Variants in VWA3B observed in about 807,000 individuals in gnomAD.
The protein encoded by VWA3B is von Willebrand factor A domain-containing protein 3B.
VWA3B carries 138 observed loss-of-function variants against 158.3 expected under a neutral mutation model. That is an observed-to-expected ratio of 0.87 (90% CI 0.76 to 1.00). VWA3B has a LOEUF of 1.00. Among genes scored for constraint, VWA3B ranks in the 50% least tolerant of loss-of-function variants. VWA3B has a pLI of 0.00. For missense variants in VWA3B, 1,555 were observed against 1,565.1 expected (o/e 0.99, Z 0.11); for synonymous variants, 596 against 587.3 (o/e 1.01, Z -0.21).
At chr2:98,182,046 G>C (rs540396434) in intron 9 of VWA3B, among the ~76,000 whole-genome samples, 1 of 152,362 alleles carries the variant, frequency 6.6e-6, no homozygotes, top group Admixed American at 6.5e-5. Flanking sequence ...CAAAACCAAA[G>C]GCAGGCTCTT....
Position 98,133,925 on chromosome 2 carries a change from GA to G in VWA3B, c.978del (p.Lys326AsnfsTer74), listed in dbSNP as rs754660900. On this transcript the variant is annotated frameshift_variant, in exon 7 of 28. Coordinates refer to ENST00000477737, the MANE Select transcript of VWA3B (RefSeq NM_144992.5). LOFTEE classifies it high-confidence loss of function. Reference protein sequence around the residue: ...VMTWNSRKLKGKLPPGAGVRE... With the variant: ...VMTWNSRKLKXKLPPGAGVRE... ...ACTTGGAATTCAAGGAAACTGAAAG[GA>G]AAACTCCCTCCAGGTACCTGGAATC... 15 of 1,614,084 alleles carry G rather than the reference GA, an allele frequency of 9.3e-6. No individual in the cohort carries two copies. In the African/African-American group the frequency reaches 1.3e-4, roughly 14 times the overall value.
At chr2:98,224,532 A>G (rs1684760530) in intron 14 of VWA3B, among the ~76,000 whole-genome samples, 1 of 152,198 alleles carries the variant, frequency 6.6e-6, no homozygotes, top group Non-Finnish European at 1.5e-5. Flanking sequence ...TCATTACAAA[A>G]GCAATACAAA....
At chr2:98,254,846 G>A (rs1333183368) in intron 20 of VWA3B, among the ~76,000 whole-genome samples, 13 of 152,100 alleles carry the variant, frequency 8.5e-5, no homozygotes, top group Non-Finnish European at 1.9e-4. Flanking sequence ...CCCTTTCTGT[G>A]TTCTTACCAG....
chr2:98,323,489 A>G, the VWA3B span, among the ~76,000 whole-genome samples: 1 of 151,950 alleles, frequency 6.6e-6, no homozygotes. Context: ...CTAGAAGAGG[A>G]GGAGATAGAA....
At chr2:98,088,303 C>G (rs890824133) in intron 1 of VWA3B, among the ~76,000 whole-genome samples, 1 of 152,196 alleles carries the variant, frequency 6.6e-6, no homozygotes, top group African/African-American at 2.4e-5. Flanking sequence ...AATGTCTAAA[C>G]TGGATTAATG....
At chr2:98,250,483 T>A in intron 20 of VWA3B, 47 bp downstream of exon 20, 1 of 1,433,910 alleles carries the variant, frequency 7.0e-7, no homozygotes, top group East Asian at 2.4e-5. Flanking sequence ...GAATTTATTT[T>A]ATGGAGAAGG....
chr2:98,098,429 C>G (rs1278323182), intron 2 of VWA3B, among the ~76,000 whole-genome samples: 1 of 151,910 alleles, frequency 6.6e-6, no homozygotes, highest in Non-Finnish European at 1.5e-5. Context: ...TTTTTATACC[C>G]TCTTGATGAA....
intron 22 of VWA3B, among the ~76,000 whole-genome samples, chr2:98,286,609 G>T (rs1460692002): frequency 6.6e-6 from 1 of 152,080 alleles, no homozygotes; most frequent in Non-Finnish European, 1.5e-5. Flanking sequence ...AACCAGTGTT[G>T]CATTCCAGGG....
In VWA3B at chr2:98,228,267, A is replaced by G; in HGVS notation, c.2085A>G (p.Gln695=). The part of the protein sequence containing the change: ...EQGHSDLEKM[Q]DLYSESLIMD... ...GTCACAGTGATCTGGAGAAGATGCA[A>G]GACCTTTATTCTGAGTCCTTGATCA... Residue 695 remains glutamine, a synonymous_variant, in exon 15 of 28, where the codon CAA becomes CAG. Transcript: ENST00000477737. 1 of 1,614,134 alleles carries G rather than the reference A, an allele frequency of 6.2e-7. No individual in the cohort carries two copies.
chr2:98,286,810 C>T (rs536900180), intron 22 of VWA3B, among the ~76,000 whole-genome samples: 1 of 152,144 alleles, frequency 6.6e-6, no homozygotes, highest in East Asian at 1.9e-4. Flanking sequence ...CAATGATCTT[C>T]CTAGTAATTT....
chr2:98,309,421 CAGG>C (rs1209384236), intron 26 of VWA3B, among the ~76,000 whole-genome samples: 1 of 152,132 alleles, frequency 6.6e-6, no homozygotes, highest in Non-Finnish European at 1.5e-5. Context: ...TATGAGTCGG[CAGG>C]AGGAGAGACC....
chr2:98,171,366 T>G (rs1389410411), intron 8 of VWA3B, among the ~76,000 whole-genome samples: 1 of 152,108 alleles, frequency 6.6e-6, no homozygotes, highest in African/African-American at 2.4e-5. Context: ...GGAAATAACT[T>G]TGGAGCGTGT....
intron 26 of VWA3B, among the ~76,000 whole-genome samples, chr2:98,309,064 C>T (rs1048884562): frequency 2.0e-5 from 3 of 150,754 alleles, no homozygotes; most frequent in Non-Finnish European, 3.0e-5. Flanking sequence ...CCCAGCTACT[C>T]GGGAGGCTGA....
chr2:98,281,046 C>T (rs112493460), intron 22 of VWA3B, among the ~76,000 whole-genome samples: 1 of 152,320 alleles, frequency 6.6e-6, no homozygotes, highest in African/African-American at 2.4e-5. Context: ...ATGGGCCACT[C>T]GCTCCCCGCC....
intron 7 of VWA3B, among the ~76,000 whole-genome samples, chr2:98,144,638 C>T (rs2105125077): frequency 6.6e-6 from 1 of 151,518 alleles, no homozygotes; most frequent in East Asian, 1.9e-4. Context: ...GTGATCTCGA[C>T]TCACTGCGAC....
intron 23 of VWA3B, among the ~76,000 whole-genome samples, 194 bp from the exon 24 acceptor site, chr2:98,297,696 GGTGCCCAGACCAGGCAT>G (rs1267235228): frequency 1.3e-5 from 2 of 152,070 alleles, no homozygotes; most frequent in African/African-American, 4.8e-5. Flanking sequence ...CATCTCAGCG[GGTGCCCAGACCAGGCAT>G]GTGCACCACT....
At chr2:98,136,151 T>TA (rs1280258409) in intron 7 of VWA3B, among the ~76,000 whole-genome samples, 1 of 152,200 alleles carries the variant, frequency 6.6e-6, no homozygotes, top group Non-Finnish European at 1.5e-5. Context: ...GGGTATGACT[T>TA]ACCATGACCC....
In VWA3B at chr2:98,125,059, G is replaced by A. The variant is rs1573832027; in HGVS notation, c.703-3180G>A. On this transcript the variant is annotated intron_variant, in intron 5 of 27. Transcript: ENST00000477737. The surrounding 1 kb of genome is among the most constrained non-coding windows in gnomAD (Gnocchi z 4.1). ...AATCAGCATTTAGGGAAATGTGGTC[G>A]GTGAGGAAGCTACTCCTGGACTGAA... Among the ~76,000 whole-genome samples, 4 of 152,180 alleles carry A rather than the reference G, an allele frequency of 2.6e-5. No homozygotes were observed. The highest frequency in any genetic ancestry group is 1.9e-4 in the East Asian group (1 of 5,200).
At chr2:98,324,493 G>A in the VWA3B span, among the ~76,000 whole-genome samples, 1 of 152,148 alleles carries the variant, frequency 6.6e-6, no homozygotes, top group Admixed American at 6.5e-5. Context: ...TGCACAGACA[G>A]ATTGCAAACA....
Sources: gnomAD v4.1 joint callset for allele counts (sites outside exome capture counted in the v4.1 genomes callset) on GRCh38, gnomAD v4.1.1 for gene constraint, Gnocchi (gnomAD v3.1) non-coding constraint, MANE v1.5 for transcripts, NCBI Gene and HGNC (gene_info 2026-07-23, HGNC 2026-07-21) for gene names.